The following NALF1 variants were observed in gnomAD, a reference collection of about 807,000 sequenced individuals.
NALF1 encodes the protein family with sequence similarity 155 member A.
Under a neutral mutation model 48.4 loss-of-function variants are expected in NALF1, and 3 were observed. The ratio of observed to expected loss-of-function variants is 0.06; its 90% CI spans 0.03 to 0.16. NALF1 has a LOEUF of 0.16. NALF1 is among the 10% of genes least tolerant of loss of function. NALF1 has a pLI of 1.00. For synonymous variants in NALF1, 262 were observed against 245.7 expected, an observed-to-expected ratio of 1.07 and a Z score of -0.62; for missense variants, 526 against 571.5, an observed-to-expected ratio of 0.92 and a Z score of 0.81.
At chr13:107,773,077 C>A (rs148856042) in intron 1 of NALF1, among the ~76,000 whole-genome samples, 36 of 152,234 alleles carry the variant, frequency 2.4e-4, no homozygotes, top group African/African-American at 8.4e-4. Context: ...GAATAATTTA[C>A]AATTCCTTTA....
At chr13:107,683,533 G>A (rs1881356486) in intron 1 of NALF1, among the ~76,000 whole-genome samples, 2 of 152,166 alleles carry the variant, frequency 1.3e-5, no homozygotes, top group Non-Finnish European at 1.5e-5. Flanking sequence ...CCGAGCATTA[G>A]GTCTTCCTGT....
chr13:107,698,289 A>G (rs1284067665), intron 1 of NALF1, among the ~76,000 whole-genome samples: 3 of 152,160 alleles, frequency 2.0e-5, no homozygotes, highest in Non-Finnish European at 4.4e-5. Context: ...ATTGTTGGTC[A>G]AAAGGATATA....
intron 1 of NALF1, among the ~76,000 whole-genome samples, chr13:107,389,977 T>C (rs181525348): frequency 2.6e-5 from 4 of 152,290 alleles, no homozygotes; most frequent in South Asian, 2.1e-4. Context: ...AGAATAAAAC[T>C]TCTAGGTTTG....
intron 1 of NALF1, among the ~76,000 whole-genome samples, chr13:107,327,556 G>A (rs1566486317): frequency 6.6e-6 from 1 of 152,166 alleles, no homozygotes; most frequent in Non-Finnish European, 1.5e-5. Context: ...GTCACTGAGT[G>A]TCCTAGATAT....
At chr13:107,780,111 A>G (rs180727823) in intron 1 of NALF1, among the ~76,000 whole-genome samples, 53 of 151,292 alleles carry the variant, frequency 3.5e-4, no homozygotes, top group African/African-American at 1.1e-3. Flanking sequence ...GTTATTGCAG[A>G]AACATTTGTT....
chr13:107,193,101 T>C (rs1879316488), intron 2 of NALF1, among the ~76,000 whole-genome samples: 1 of 152,142 alleles, frequency 6.6e-6, no homozygotes, highest in African/African-American at 2.4e-5. Context: ...TGAAACACTA[T>C]TTATGGTATA....
intron 1 of NALF1, among the ~76,000 whole-genome samples, chr13:107,343,982 CA>C (rs1279652051): frequency 2.6e-5 from 4 of 151,116 alleles, no homozygotes; most frequent in Non-Finnish European, 1.5e-5. Context: ...AGGGAAGACT[CA>C]AGTAACTAAA....
At chr13:107,674,332 T>C (rs1881063565) in intron 1 of NALF1, among the ~76,000 whole-genome samples, 1 of 152,168 alleles carries the variant, frequency 6.6e-6, no homozygotes, top group South Asian at 2.1e-4. Flanking sequence ...ATCAAGCATC[T>C]TAAACAAACC....
At chr13:107,235,418 T>A (rs923587492) in intron 1 of NALF1, among the ~76,000 whole-genome samples, 1 of 152,094 alleles carries the variant, frequency 6.6e-6, no homozygotes, top group African/African-American at 2.4e-5. Context: ...ACACAGGGGA[T>A]CAGTTTCAGG....
rs546998954 is a variant in NALF1 at position 107,373,116 on chromosome 13, T to C, written c.916-162361A>G. 5.3e-5 allele frequency among the ~76,000 whole-genome samples: 8 copies of C among 152,284 alleles called. No individual in the cohort carries two copies. The East Asian group carries it at 1.5e-3, about 29-fold the overall frequency. On this transcript the variant is annotated intron_variant, in intron 1 of 2. Coordinates refer to ENST00000375915, the MANE Select transcript of NALF1 (RefSeq NM_001080396.3). ...ATGAGCAATTATGCATCATATAAGG[T>C]ATACAGAGCATCTAACAGAGAACAA...
intron 1 of NALF1, among the ~76,000 whole-genome samples, chr13:107,779,046 T>C (rs543092821): frequency 1.8e-4 from 27 of 152,364 alleles, no homozygotes; most frequent in African/African-American, 6.0e-4. Flanking sequence ...TAGGTCGAGA[T>C]TTATGAGAAG....
intron 1 of NALF1, among the ~76,000 whole-genome samples, chr13:107,737,543 A>G (rs530483969): frequency 6.6e-6 from 1 of 152,270 alleles, no homozygotes; most frequent in South Asian, 2.1e-4. Flanking sequence ...AGCCATTTAT[A>G]TTTTTTACTT....
chr13:107,817,118 A>G (rs1225389263), intron 1 of NALF1, among the ~76,000 whole-genome samples: 1 of 152,242 alleles, frequency 6.6e-6, no homozygotes, highest in Admixed American at 6.5e-5. Context: ...ATATCAATAA[A>G]TGAAGAGGCA....
intron 1 of NALF1, among the ~76,000 whole-genome samples, chr13:107,755,976 A>G (rs1347194792): frequency 6.6e-6 from 1 of 152,178 alleles, no homozygotes; most frequent in Non-Finnish European, 1.5e-5. Context: ...ACTAAAGAGA[A>G]AGAACCAACT....
chr13:107,522,673 G>A (rs527475430), intron 1 of NALF1, among the ~76,000 whole-genome samples: 2 of 151,316 alleles, frequency 1.3e-5, no homozygotes, highest in Non-Finnish European at 2.9e-5. Flanking sequence ...GTGTGATCTC[G>A]ACTCACTGCA....
At chr13:107,429,249 G>A (rs1446586856) in intron 1 of NALF1, among the ~76,000 whole-genome samples, 3 of 151,386 alleles carry the variant, frequency 2.0e-5, no homozygotes, top group Admixed American at 6.6e-5. Context: ...CTGAACCCGG[G>A]ACATGGAGGT....
At chr13:107,192,222 T>C (rs1879298013) in intron 2 of NALF1, among the ~76,000 whole-genome samples, 1 of 152,172 alleles carries the variant, frequency 6.6e-6, no homozygotes, top group African/African-American at 2.4e-5. Context: ...TAATAACCTG[T>C]GGTAGCGCTC....
At chr13:107,341,774 A>G (rs560391928) in intron 1 of NALF1, among the ~76,000 whole-genome samples, 10 of 151,648 alleles carry the variant, frequency 6.6e-5, no homozygotes, top group East Asian at 1.9e-4. Flanking sequence ...GTGTGTGTGT[A>G]TATATACATA....
At chr13:107,520,201 G>GA (rs1283014447) in intron 1 of NALF1, among the ~76,000 whole-genome samples, 1 of 152,032 alleles carries the variant, frequency 6.6e-6, no homozygotes, top group Admixed American at 6.6e-5. Flanking sequence ...ATATGTATAA[G>GA]AAAAAATGCA....
Sources: gnomAD v4.1 joint callset for allele counts (sites outside exome capture counted in the v4.1 genomes callset) on GRCh38, gnomAD v4.1.1 for gene constraint, MANE v1.5 for transcripts, NCBI Gene and HGNC (gene_info 2026-07-23, HGNC 2026-07-21) for gene names.